Variants in CLDN12 observed in about 807,000 individuals in gnomAD.
CLDN12 encodes the protein claudin-12.
Under a neutral mutation model 15.5 loss-of-function variants are expected in CLDN12, and 9 were observed. The observed-to-expected ratio is 0.58, with a 90% CI of 0.35 to 1.02. The LOEUF (loss-of-function observed/expected upper bound fraction) is 1.02, where lower values mean the gene tolerates loss of function less well. Among genes scored for constraint, CLDN12 ranks in the 50% least tolerant of loss-of-function variants. The probability of loss-of-function intolerance (pLI) is 0.02; values close to 1 mark genes in which losing one functional copy is unlikely to be tolerated. For missense variants in CLDN12, 233 were observed against 297.3 expected (o/e 0.78, Z 1.59); for synonymous variants, 140 against 121.6 (o/e 1.15, Z -1.00).
chr7:90,406,699 G>A (rs1247060758), intron 2 of CLDN12, among the ~76,000 whole-genome samples: 1 of 152,166 alleles, frequency 6.6e-6, no homozygotes, highest in Non-Finnish European at 1.5e-5. Flanking sequence ...GTTTGTAAAT[G>A]ATAGGTTATG....
Position 90,414,433 on chromosome 7 carries a change from C to T in CLDN12, c.*1022C>T. On this transcript the variant is annotated 3_prime_UTR_variant, in exon 4 of 4. Coordinates refer to ENST00000496677, the MANE Select transcript of CLDN12 (RefSeq NM_001185072.3). ...TATTTCCTTGAGCATATATCTCTGC[C>T]TAACACTTTAGTAGGTGCTATAGAG... 8 of 990,190 alleles carry T rather than the reference C, an allele frequency of 8.1e-6. No individual in the cohort carries two copies. Among genetic ancestry groups the T allele is most frequent in the Non-Finnish European group, 9.7e-6 (8 of 820,910 alleles). The allele number at this position is 990,190 out of a possible 1,614,324, so 61.3% of individuals were successfully genotyped here. A position where few individuals can be genotyped will look rare whatever the true frequency, so the allele number is the denominator to read the frequency against.
In CLDN12 at chr7:90,414,657, C is replaced by T. The variant is rs151249770; in HGVS notation, c.*1246C>T. On this transcript the variant is annotated 3_prime_UTR_variant, in exon 4 of 4. Transcript: ENST00000496677. ...CAAATTGTACAACACCAACAATATC[C>T]TGGACCTTGAAATTCTGTTTACTTC... The T allele has an allele frequency of 7.3e-3, 1,216 of 167,418 alleles. 13 individuals are homozygous for T. Among genetic ancestry groups the T allele is most frequent in the African/African-American group, 0.027 (1,138 of 41,564 alleles). The allele number at this position is 167,418 out of a possible 1,614,324, so 10.4% of individuals were successfully genotyped here. A position where few individuals can be genotyped will look rare whatever the true frequency, so the allele number is the denominator to read the frequency against.
chr7:90,403,786 G>C (rs1796781417), intron 1 of CLDN12: 1 of 152,124 alleles, frequency 6.6e-6, no homozygotes, highest in Non-Finnish European at 1.5e-5. Flanking sequence ...TTGCTGGCGC[G>C]GGTTTGTGGG....
chr7:90,413,861 G>C lies in CLDN12; in HGVS notation c.*450G>C. ...TTCAGGTAAGGGTAATATTTTAATA[G>C]TAGTCAATAATCTAGCTTAAGGCTG... On this transcript the variant is annotated 3_prime_UTR_variant, in exon 4 of 4. Transcript: ENST00000496677. The C allele has an allele frequency of 1.0e-6, 1 of 999,672 alleles. No individual in the cohort carries two copies. Among genetic ancestry groups the C allele is most frequent in the Non-Finnish European group, 1.2e-6 (1 of 829,518 alleles). 61.9% of individuals were successfully genotyped at this position (999,672 alleles called of 1,614,324 possible).
At chr7:90,412,620 G>A in intron 3 of CLDN12, 24 bp from the exon 4 acceptor site, 1 of 1,562,330 alleles carries the variant, frequency 6.4e-7, no homozygotes, top group Non-Finnish European at 8.7e-7. Flanking sequence ...CTCATGATTT[G>A]TCCTCTTGTG....
intron 3 of CLDN12, 185 bp from the exon 4 acceptor site, chr7:90,412,459 T>TGCTCTGAGGTCACACACACCTGC: frequency 1.9e-6 from 1 of 529,498 alleles, no homozygotes; most frequent in African/African-American, 1.9e-5. Flanking sequence ...TGTGCACCTG[T>TGCTCTGAGGTCACACACACCTGC]GCTCTGAGGT....
chr7:90,407,365 T>C (rs1796858064), intron 2 of CLDN12, among the ~76,000 whole-genome samples: 1 of 151,966 alleles, frequency 6.6e-6, no homozygotes, highest in Non-Finnish European at 1.5e-5. Context: ...AAAATGGGAG[T>C]CTTTTGGCCA....
At chr7:90,411,700 C>T (rs1246813446) in intron 2 of CLDN12, among the ~76,000 whole-genome samples, 1 of 151,834 alleles carries the variant, frequency 6.6e-6, no homozygotes, top group African/African-American at 2.4e-5. Context: ...CCATTGTTCT[C>T]ATCTTTTCAT....
chr7:90,412,991 G>A lies in CLDN12; in HGVS notation c.315G>A (p.Leu105=). 1 of 1,614,184 alleles carries A rather than the reference G, an allele frequency of 6.2e-7. No individual in the cohort carries two copies. Among genetic ancestry groups the A allele is most frequent in the Admixed American group, 1.7e-5 (1 of 60,018 alleles). The change falls in exon 4 of 4, where the codon CTG becomes CTA. Residue 105 remains leucine (L), a synonymous_variant. Coordinates refer to ENST00000496677, the MANE Select transcript of CLDN12 (RefSeq NM_001185072.3). ...LIAMGALLLC[L]IGMCNTAFRS... ...CCATGGGTGCCCTGCTGCTCTGCCTGATTGGAATGTGCAACACTGCCTTCA... is the reference window on the plus strand; with the variant it reads ...CCATGGGTGCCCTGCTGCTCTGCCTAATTGGAATGTGCAACACTGCCTTCA...
intron 2 of CLDN12, among the ~76,000 whole-genome samples, chr7:90,406,922 T>A (rs1796848269): frequency 2.0e-5 from 3 of 152,128 alleles, no homozygotes; most frequent in Admixed American, 2.0e-4. Flanking sequence ...AAGATGTTTT[T>A]TTTTCTCCAT....
In CLDN12 at chr7:90,415,843, A is replaced by G. The variant is rs531134386; in HGVS notation, c.*2432A>G. Reference sequence around the variant, plus strand: ...GAGAAAACAAACCTAAGTTTACTTTACTTGTACATATACACTACAATGGAT... The same window carrying G: ...GAGAAAACAAACCTAAGTTTACTTTGCTTGTACATATACACTACAATGGAT... On this transcript the variant is annotated 3_prime_UTR_variant, in exon 4 of 4. Coordinates refer to ENST00000496677, the MANE Select transcript of CLDN12 (RefSeq NM_001185072.3). 1.8e-5 allele frequency: 3 copies of G among 167,198 alleles called. No homozygotes were observed. Among genetic ancestry groups the G allele is most frequent in the Admixed American group, 6.5e-5 (1 of 15,310 alleles). The allele number at this position is 167,198 out of a possible 1,614,324, so 10.4% of individuals were successfully genotyped here.
chr7:90,407,100 A>G (rs563969448), intron 2 of CLDN12, among the ~76,000 whole-genome samples: 21 of 152,274 alleles, frequency 1.4e-4, no homozygotes, highest in South Asian at 8.3e-4. Context: ...GGGTTTCACC[A>G]TATTGGCCAG....
chr7:90,414,236 G>T lies in CLDN12; in HGVS notation c.*825G>T. 1 of 1,000,202 alleles carries T rather than the reference G, an allele frequency of 1.0e-6. No homozygotes were observed. The highest frequency in any genetic ancestry group is 1.2e-6 in the Non-Finnish European group (1 of 829,992). The allele number at this position is 1,000,202 out of a possible 1,614,324, so 62.0% of individuals were successfully genotyped here. On this transcript the variant is annotated 3_prime_UTR_variant, in exon 4 of 4. Transcript: ENST00000496677. ...AGAAATAAATAAAAGGGCCATAATG[G>T]TTTGTTCTCTTTCAGACATAATTTA...
At chr7:90,405,285 A>T (rs943194869) in intron 1 of CLDN12, among the ~76,000 whole-genome samples, 1 of 151,792 alleles carries the variant, frequency 6.6e-6, no homozygotes, top group Non-Finnish European at 1.5e-5. Flanking sequence ...CTGGTCTTGA[A>T]CTCGGGCTCA....
chr7:90,409,577 G>A (rs2115882094), intron 2 of CLDN12, among the ~76,000 whole-genome samples: 1 of 152,224 alleles, frequency 6.6e-6, no homozygotes, highest in African/African-American at 2.4e-5. Context: ...ACTTTGAGTG[G>A]GTTATCTGAA....
intron 2 of CLDN12, chr7:90,406,119 G>T (rs1388852880): frequency 1.3e-5 from 2 of 152,148 alleles, no homozygotes; most frequent in East Asian, 3.9e-4. Context: ...ATAGAAGCTA[G>T]CTGCTATTAG....
In CLDN12 at chr7:90,413,638, T is replaced by A; in HGVS notation, c.*227T>A. The A allele has an allele frequency of 3.1e-6, 4 of 1,301,584 alleles. No individual in the cohort carries two copies. Among genetic ancestry groups the A allele is most frequent in the Non-Finnish European group, 3.9e-6 (4 of 1,020,958 alleles). The allele number at this position is 1,301,584 out of a possible 1,614,324, so 80.6% of individuals were successfully genotyped here. A position where few individuals can be genotyped will look rare whatever the true frequency, so the allele number is the denominator to read the frequency against. On this transcript the variant is annotated 3_prime_UTR_variant, in exon 4 of 4. Transcript: ENST00000496677. The stretch of plus-strand genomic sequence containing the variant: ...CTTATACTGGAAGGAATTTTAGCCT[T>A]CATATTGATATCTAATTAATTATTT...
intron 3 of CLDN12, 86 bp from the exon 4 acceptor site, chr7:90,412,558 A>G: frequency 1.3e-5 from 13 of 1,029,998 alleles, no homozygotes; most frequent in Non-Finnish European, 1.9e-5. Flanking sequence ...TTTCATCATT[A>G]GATGTGTTGC....
rs755075227 is a variant in CLDN12, at chr7:90,412,792, T to C, written c.116T>C (p.Ile39Thr). ...LLPNWRKLRL[I>T]TFNRNEKNLT... Reference sequence around the variant, plus strand: ...CCCAACTGGAGAAAATTACGATTGATCACATTCAACAGAAACGAGAAGAAC... The same window carrying C: ...CCCAACTGGAGAAAATTACGATTGACCACATTCAACAGAAACGAGAAGAAC... The change falls in exon 4 of 4, where the codon ATC (isoleucine) becomes ACC (threonine). Residue 39 changes from isoleucine to threonine, a missense_variant. Coordinates refer to ENST00000496677, the MANE Select transcript of CLDN12 (RefSeq NM_001185072.3). 6.2e-7 allele frequency: 1 copy of C among 1,614,176 alleles called. No individual in the cohort carries two copies. Among genetic ancestry groups the C allele is most frequent in the Non-Finnish European group, 8.5e-7 (1 of 1,180,034 alleles).
Sources: allele counts gnomAD v4.1 joint callset (sites outside exome capture counted in the v4.1 genomes callset), GRCh38; gene constraint gnomAD v4.1.1; transcripts MANE v1.5; gene names NCBI Gene and HGNC (gene_info 2026-07-23, HGNC 2026-07-21).